Variants in MYH9 observed in about 807,000 individuals in gnomAD.
The protein encoded by MYH9 is myosin-9.
A neutral mutation model predicts 241.9 loss-of-function variants in MYH9; 29 were observed. The observed-to-expected ratio is 0.12, with a 90% CI of 0.09 to 0.16. The LOEUF (loss-of-function observed/expected upper bound fraction) is 0.16. Ranked by LOEUF, MYH9 falls within the 10% of genes least tolerant of loss-of-function variation. MYH9 has a pLI of 1.00. For missense variants in MYH9, 1,803 were observed against 2,595.5 expected, an observed-to-expected ratio of 0.69 and a Z score of 6.63; for synonymous variants, 1,047 against 1,062.6, an observed-to-expected ratio of 0.99 and a Z score of 0.29.
chr22:36,282,292 C>G lies in MYH9; in HGVS notation c.*376G>C. The G allele has an allele frequency of 2.5e-6, 1 of 404,742 alleles. No individual in the cohort carries two copies. Among genetic ancestry groups the G allele is most frequent in the Non-Finnish European group, 4.6e-6 (1 of 219,000 alleles). 25.1% of individuals were successfully genotyped at this position (404,742 alleles called of 1,614,324 possible). A position where few individuals can be genotyped will look rare whatever the true frequency, so the allele number is the denominator to read the frequency against. ...GCGGGGGCTCCGACTACCAAAAGGC[C>G]TCAGTCTGAAGAAAAATAGATTCAT... On this transcript the variant is annotated 3_prime_UTR_variant, in exon 41 of 41. Transcript: ENST00000216181.
chr22:36,362,354 C>T (rs926473737), intron 1 of MYH9, among the ~76,000 whole-genome samples: 2 of 152,184 alleles, frequency 1.3e-5, no homozygotes, highest in African/African-American at 4.8e-5. Flanking sequence ...ATCCCAGGAG[C>T]TCCAGGGCCA....
Position 36,372,494 on chromosome 22 carries a change from C to CAA in MYH9, c.-20+15311_-20+15312dup, listed in dbSNP as rs57031494. 5.8e-3 allele frequency among the ~76,000 whole-genome samples: 416 copies of CAA among 71,742 alleles called. 6 individuals are homozygous for CAA. Among genetic ancestry groups the CAA allele is most frequent in the African/African-American group, 0.017 (359 of 21,452 alleles). 47.1% of individuals were successfully genotyped at this position (71,742 alleles called of 152,430 possible). On this transcript the variant is annotated intron_variant, in intron 1 of 40. Transcript: ENST00000216181. ...AAAGAAAGAGTGAGACCCTGTCTCTCAAAAAAAAAAAAAAAATGACAGGTA... is the reference window on the plus strand; with the variant it reads ...AAAGAAAGAGTGAGACCCTGTCTCTCAAAAAAAAAAAAAAAAAATGACAGGTA...
intron 1 of MYH9, among the ~76,000 whole-genome samples, chr22:36,376,828 C>A (rs959797743): frequency 6.6e-6 from 1 of 152,156 alleles, no homozygotes; most frequent in African/African-American, 2.4e-5. Flanking sequence ...CTTTGGGAGG[C>A]CGAGGCAGGT....
intron 2 of MYH9, among the ~76,000 whole-genome samples, chr22:36,341,868 G>A (rs1285574912): frequency 6.6e-6 from 1 of 152,266 alleles, no homozygotes; most frequent in African/African-American, 2.4e-5. Context: ...CGAGGACAAT[G>A]AGAGATGTCT....
intron 12 of MYH9, among the ~76,000 whole-genome samples, chr22:36,314,525 G>A (rs921927833): frequency 2.6e-5 from 4 of 152,148 alleles, no homozygotes; most frequent in South Asian, 2.1e-4. Context: ...CAGTGACCGC[G>A]GGCAGTCTGG....
chr22:36,356,330 C>T (rs2017854769), intron 1 of MYH9, among the ~76,000 whole-genome samples: 1 of 151,480 alleles, frequency 6.6e-6, no homozygotes, highest in Non-Finnish European at 1.5e-5. Flanking sequence ...CCTGTAATCC[C>T]TGCACTTTGG....
In MYH9 at chr22:36,284,229, G is replaced by A. The variant is rs375674671; in HGVS notation, c.5629C>T (p.Arg1877Trp). 2.8e-5 allele frequency: 45 copies of A among 1,612,438 alleles called. No homozygotes were observed. Among genetic ancestry groups the A allele is most frequent in the Middle Eastern group, 1.7e-4 (1 of 6,056 alleles). Residue 1877 changes from arginine to tryptophan, a missense_variant, in exon 40 of 41, where the codon CGG becomes TGG. This residue lies in a region of MYH9 where 876 missense variants were observed against 1,077.8 expected (regional missense o/e 0.81). Coordinates refer to ENST00000216181, the MANE Select transcript of MYH9 (RefSeq NM_002473.6). Reference protein sequence around the residue: ...KASTRLKQLKRQLEEAEEEAQ... With the variant: ...KASTRLKQLKWQLEEAEEEAQ... ...TCCTCTTCGGCCTCCTCCAGCTGCC[G>A]CTTGAGCTGCTTCAGGCGGGTAGAT...
intron 25 of MYH9, among the ~76,000 whole-genome samples, chr22:36,296,210 A>C (rs1350473054): frequency 1.3e-5 from 2 of 152,218 alleles, no homozygotes; most frequent in East Asian, 3.9e-4. Flanking sequence ...TCTTCTGTGA[A>C]TCTAAAACTA....
intron 1 of MYH9, among the ~76,000 whole-genome samples, chr22:36,364,337 T>C (rs2017977650): frequency 2.0e-5 from 3 of 152,288 alleles, no homozygotes; most frequent in Admixed American, 1.3e-4. Context: ...GCCCCACATA[T>C]GGGAGGTGCT....
chr22:36,317,847 C>T (rs530073775), intron 11 of MYH9, among the ~76,000 whole-genome samples: 1 of 152,374 alleles, frequency 6.6e-6, no homozygotes, highest in South Asian at 2.1e-4. Context: ...GGAGCCGCCA[C>T]CCTGGCACCA....
chr22:36,350,216 CT>C, intron 1 of MYH9, among the ~76,000 whole-genome samples: 1 of 152,274 alleles, frequency 6.6e-6, no homozygotes, highest in Non-Finnish European at 1.5e-5. Context: ...TGTGTGTTTG[CT>C]TTTTTCAAAA....
At chr22:36,294,557 C>A (rs760164736) in intron 27 of MYH9, among the ~76,000 whole-genome samples, 3 of 152,226 alleles carry the variant, frequency 2.0e-5, no homozygotes, top group Non-Finnish European at 4.4e-5. Flanking sequence ...CCTGCCCAGC[C>A]TTCTGCCCTG....
At chr22:36,367,385 C>T (rs2018026764) in intron 1 of MYH9, among the ~76,000 whole-genome samples, 1 of 152,186 alleles carries the variant, frequency 6.6e-6, no homozygotes, top group South Asian at 2.1e-4. Flanking sequence ...CCATCCCTTG[C>T]TCCGGTTCTC....
chr22:36,293,184 ATGTGGGAGAGCACGGT>A lies in MYH9; in HGVS notation c.4095+129_4095+144del. On this transcript the variant is annotated intron_variant, in intron 30 of 40. Coordinates refer to ENST00000216181, the MANE Select transcript of MYH9 (RefSeq NM_002473.6). This position sits in a 1 kb window ranked among gnomAD's most constrained non-coding sequence, Gnocchi z 5.1. The stretch of plus-strand genomic sequence containing the variant: ...TGGATTCCTTTCCTTGAGAGCACTG[ATGTGGGAGAGCACGGT>A]TGGCTTCCCAGGGGGAGAGCAGCAA... 2 of 937,794 alleles carry A rather than the reference ATGTGGGAGAGCACGGT, an allele frequency of 2.1e-6. No homozygotes were observed. Among genetic ancestry groups the A allele is most frequent in the South Asian group, 3.0e-5 (2 of 66,472 alleles). 58.1% of individuals were successfully genotyped at this position (937,794 alleles called of 1,614,324 possible).
At position 36,362,601 on chromosome 22, in the gene MYH9, G is replaced by A. The variant is rs377392009; in HGVS notation, c.-19-13346C>T. 1.2e-4 allele frequency among the ~76,000 whole-genome samples: 18 copies of A among 152,188 alleles called. No individual in the cohort carries two copies. The South Asian group carries it at 2.5e-3, about 21-fold the overall frequency. The stretch of plus-strand genomic sequence containing the variant: ...CCTCCTGGATTCAAGTGATTATCCC[G>A]CCTCAGCTGGGACTACAGGTGCATG... On this transcript the variant is annotated intron_variant, in intron 1 of 40. Transcript: ENST00000216181.
chr22:36,290,435 A>AT (rs1740222502), intron 31 of MYH9, among the ~76,000 whole-genome samples: 1 of 151,936 alleles, frequency 6.6e-6, no homozygotes, highest in Non-Finnish European at 1.5e-5. Flanking sequence ...AATTAAAGTG[A>AT]TTTTAACTCA....
In MYH9 at chr22:36,281,389, A is replaced by C; in HGVS notation, c.*1279T>G. The C allele has an allele frequency of 8.8e-6, 2 of 226,058 alleles. No homozygotes were observed. Among genetic ancestry groups the C allele is most frequent in the Non-Finnish European group, 1.8e-5 (2 of 113,328 alleles). 14.0% of individuals were successfully genotyped at this position (226,058 alleles called of 1,614,324 possible). On this transcript the variant is annotated 3_prime_UTR_variant, in exon 41 of 41. Coordinates refer to ENST00000216181, the MANE Select transcript of MYH9 (RefSeq NM_002473.6). ...CTAAGGCACTTTTATTATATAAAAA[A>C]GGGGGTAGGGTGGGAGTTTCACTCA...
intron 2 of MYH9, among the ~76,000 whole-genome samples, chr22:36,342,448 C>T (rs935001160): frequency 3.3e-5 from 5 of 152,112 alleles, no homozygotes; most frequent in African/African-American, 7.2e-5. Flanking sequence ...TCTGGGTAGG[C>T]GAGGAGAACC....
Position 36,288,720 on chromosome 22 carries a change from T to C in MYH9, c.4770+7A>G, listed in dbSNP as rs1464702691. 3 of 1,601,558 alleles carry C rather than the reference T, an allele frequency of 1.9e-6. No homozygotes were observed. The highest frequency in any genetic ancestry group is 2.5e-6 in the Non-Finnish European group (3 of 1,179,946). On this transcript the variant is annotated splice_region_variant and intron_variant, in intron 33 of 40. Coordinates refer to ENST00000216181, the MANE Select transcript of MYH9 (RefSeq NM_002473.6). This position sits in a 1 kb window ranked among gnomAD's most constrained non-coding sequence, Gnocchi z 4.8. The stretch of plus-strand genomic sequence containing the variant: ...GCACCCATGGGGTAGCAGGAGGCCA[T>C]GCACACCTGTCTGACCAGCTGCTTC...
Sources: allele counts gnomAD v4.1 joint callset (sites outside exome capture counted in the v4.1 genomes callset), GRCh38; gene constraint gnomAD v4.1.1; regional missense constraint gnomAD v4.1.1; non-coding constraint Gnocchi (gnomAD v3.1); transcripts MANE v1.5; gene names NCBI Gene and HGNC (gene_info 2026-07-23, HGNC 2026-07-21).